The following PKIG variants were observed in gnomAD, a reference collection of about 807,000 sequenced individuals.
The protein encoded by PKIG is protein kinase (cAMP-dependent, catalytic) inhibitor gamma.
Under a neutral mutation model 6.8 loss-of-function variants are expected in PKIG, and 1 was observed. That is an observed-to-expected ratio of 0.15 (90% CI 0.05 to 0.69). The LOEUF is 0.69. Among genes scored for constraint, PKIG ranks in the 30% least tolerant of loss-of-function variants. PKIG has a pLI of 0.82. For missense variants in PKIG, 77 were observed against 104.0 expected, an observed-to-expected ratio of 0.74 and a Z score of 1.13; for synonymous variants, 39 against 43.0, an observed-to-expected ratio of 0.91 and a Z score of 0.36.
At chr20:44,572,108 A>G (rs2064858983) in intron 1 of PKIG, among the ~76,000 whole-genome samples, 1 of 152,130 alleles carries the variant, frequency 6.6e-6, no homozygotes, top group South Asian at 2.1e-4. Flanking sequence ...GGTTCAAGCA[A>G]TTCTCCTGCC....
chr20:44,610,089 A>AATT (rs2065200604), intron 2 of PKIG, among the ~76,000 whole-genome samples: 1 of 152,122 alleles, frequency 6.6e-6, no homozygotes, highest in Non-Finnish European at 1.5e-5. Context: ...AACTTCCGGG[A>AATT]ATTCTTTTAG....
intron 1 of PKIG, among the ~76,000 whole-genome samples, chr20:44,533,029 A>C (rs896196857): frequency 1.3e-5 from 2 of 152,168 alleles, no homozygotes; most frequent in African/African-American, 4.8e-5. Flanking sequence ...GGAAGCCATC[A>C]AAGGGTTTTA....
intron 1 of PKIG, among the ~76,000 whole-genome samples, chr20:44,583,220 C>T (rs2064962822): frequency 6.6e-6 from 1 of 152,152 alleles, no homozygotes; most frequent in Non-Finnish European, 1.5e-5. Flanking sequence ...TGGTCAGACT[C>T]CATGAATTTA....
At chr20:44,574,400 T>C (rs1241075527) in intron 1 of PKIG, among the ~76,000 whole-genome samples, 3 of 152,116 alleles carry the variant, frequency 2.0e-5, no homozygotes, top group South Asian at 2.1e-4. Context: ...CTAGAAAGAA[T>C]AGTATAATGA....
chr20:44,611,957 C>G (rs2065223892), intron 2 of PKIG, among the ~76,000 whole-genome samples: 1 of 151,846 alleles, frequency 6.6e-6, no homozygotes, highest in Non-Finnish European at 1.5e-5. Flanking sequence ...AGATTTCATT[C>G]TTTTTTATGG....
At chr20:44,586,310 A>ATGT (rs1343546636) in intron 1 of PKIG, among the ~76,000 whole-genome samples, 2 of 152,234 alleles carry the variant, frequency 1.3e-5, no homozygotes, top group Non-Finnish European at 2.9e-5. Context: ...ATGTCAGCCA[A>ATGT]TGTACACAGG....
In PKIG at chr20:44,596,599, G is replaced by A. The variant is rs575626711; in HGVS notation, c.-24+6733G>A. The stretch of plus-strand genomic sequence containing the variant: ...TTCCAAGGGAGGCTGTTGTTCAACC[G>A]GTATTTACCTATGTAGCAAGTTCTG... On this transcript the variant is annotated intron_variant, in intron 2 of 3. Transcript: ENST00000372886. Among the ~76,000 whole-genome samples, 16 of 152,308 alleles carry A rather than the reference G, an allele frequency of 1.1e-4. 1 individual carries two copies. The South Asian group carries it at 2.9e-3, about 28-fold the overall frequency.
chr20:44,539,786 A>G (rs141661654), intron 1 of PKIG, among the ~76,000 whole-genome samples: 501 of 152,114 alleles, frequency 3.3e-3, no homozygotes, highest in Middle Eastern at 0.01. Context: ...TCTTCTTCCA[A>G]TGTGGCCCAG....
At position 44,618,323 on chromosome 20, in the gene PKIG, G is replaced by C; in HGVS notation, c.190G>C (p.Gly64Arg). Reference sequence around the variant, plus strand: ...GGGAAGCGCCCCAGACAAGGAAGCTGGCAACCAGCCCCAGAGCAGCGATGG... The same window carrying C: ...GGGAAGCGCCCCAGACAAGGAAGCTCGCAACCAGCCCCAGAGCAGCGATGG... ...VEGSAPDKEA[G>R]NQPQSSDGTT... The change falls in exon 4 of 4, where the codon GGC becomes CGC. Residue 64 changes from glycine to arginine, a missense_variant. Gly to Arg is a moderately radical substitution (Grantham distance 125, BLOSUM62 -2). Transcript: ENST00000372886. 6.2e-7 allele frequency: 1 copy of C among 1,613,644 alleles called. No homozygotes were observed.
At chr20:44,594,592 G>A (rs2065060065) in intron 2 of PKIG, among the ~76,000 whole-genome samples, 1 of 152,204 alleles carries the variant, frequency 6.6e-6, no homozygotes, top group Admixed American at 6.5e-5. Context: ...TCAGCGTCAT[G>A]CAGCTAGCAA....
intron 1 of PKIG, among the ~76,000 whole-genome samples, chr20:44,568,610 C>T (rs1478959750): frequency 1.3e-5 from 2 of 152,086 alleles, no homozygotes; most frequent in Non-Finnish European, 2.9e-5. Flanking sequence ...GCCACCGCGC[C>T]TGGCTAATTT....
intron 1 of PKIG, among the ~76,000 whole-genome samples, chr20:44,544,929 T>TTC (rs1408667107): frequency 2.0e-5 from 2 of 98,348 alleles, no homozygotes; most frequent in African/African-American, 7.8e-5. Flanking sequence ...TTCTTTCTTT[T>TTC]TTTTTTTTTT....
intron 1 of PKIG, among the ~76,000 whole-genome samples, chr20:44,548,809 A>G (rs944375081): frequency 5.3e-5 from 8 of 151,556 alleles, no homozygotes; most frequent in Non-Finnish European, 1.0e-4. Flanking sequence ...TTAGTACTAT[A>G]AAGAATTCTA....
chr20:44,575,393 A>G (rs2064888365), intron 1 of PKIG, among the ~76,000 whole-genome samples: 1 of 152,042 alleles, frequency 6.6e-6, no homozygotes, highest in African/African-American at 2.4e-5. Flanking sequence ...CAATTTTTGT[A>G]TTTTTAGTAG....
intron 1 of PKIG, among the ~76,000 whole-genome samples, chr20:44,543,254 A>C (rs966449057): frequency 3.3e-5 from 5 of 152,234 alleles, no homozygotes; most frequent in African/African-American, 1.2e-4. Context: ...CTTAACATGT[A>C]AATGTCAGCT....
chr20:44,583,556 G>A (rs978299818), intron 1 of PKIG, among the ~76,000 whole-genome samples: 1 of 152,130 alleles, frequency 6.6e-6, no homozygotes, highest in African/African-American at 2.4e-5. Flanking sequence ...AACAGGGGAG[G>A]TGTCCCCTCT....
chr20:44,554,317 A>G (rs2064694941), intron 1 of PKIG, among the ~76,000 whole-genome samples: 1 of 152,112 alleles, frequency 6.6e-6, no homozygotes, highest in African/African-American at 2.4e-5. Flanking sequence ...TCCGGCCTCA[A>G]GTGATTCACC....
intron 1 of PKIG, among the ~76,000 whole-genome samples, chr20:44,537,458 T>C (rs1050039584): frequency 6.6e-6 from 1 of 151,498 alleles, no homozygotes; most frequent in Non-Finnish European, 1.5e-5. Context: ...TGGTCTTGAC[T>C]CCTGACCTCA....
intron 1 of PKIG, among the ~76,000 whole-genome samples, chr20:44,556,211 CT>C (rs953211321): frequency 1.3e-5 from 2 of 152,168 alleles, no homozygotes; most frequent in African/African-American, 2.4e-5. Context: ...CTAAAATAAT[CT>C]TTTTATTTTC....
Sources: gnomAD v4.1 joint callset for allele counts (sites outside exome capture counted in the v4.1 genomes callset) on GRCh38, gnomAD v4.1.1 for gene constraint, MANE v1.5 for transcripts, NCBI Gene and HGNC (gene_info 2026-07-23, HGNC 2026-07-21) for gene names.